The following EWSR1 variants were observed in gnomAD, a reference collection of about 807,000 sequenced individuals.
EWSR1 encodes RNA-binding protein EWS.
Under a neutral mutation model 92.1 loss-of-function variants are expected in EWSR1, and 14 were observed. The ratio of observed to expected loss-of-function variants is 0.15; its 90% confidence interval spans 0.10 to 0.24. EWSR1 has a LOEUF of 0.24. EWSR1 is among the 10% of genes least tolerant of loss of function. The pLI is 1.00. For missense variants in EWSR1, 637 were observed against 870.9 expected, an observed-to-expected ratio of 0.73 and a Z score of 3.38; for synonymous variants, 303 against 292.9, an observed-to-expected ratio of 1.03 and a Z score of -0.35.
chr22:29,294,306 A>G lies in EWSR1; in HGVS notation c.1164+1700A>G, dbSNP rs556153054. ...ACACTTTTCTGGTTATTACTGGTGT[A>G]TAGAAATACAGTTGATTTGGCCGGG... On this transcript the variant is annotated intron_variant, in intron 11 of 16. Coordinates refer to ENST00000397938, the MANE Select transcript of EWSR1 (RefSeq NM_005243.4). 3.9e-5 allele frequency among the ~76,000 whole-genome samples: 6 copies of G among 152,274 alleles called. No individual in the cohort carries two copies. In the South Asian group the frequency reaches 1.2e-3, roughly 32 times the overall value.
intron 1 of EWSR1, among the ~76,000 whole-genome samples, chr22:29,269,816 G>A (rs2058510853): frequency 5.3e-5 from 8 of 152,196 alleles, no homozygotes; most frequent in Admixed American, 4.6e-4. Context: ...AGCCTGAAAA[G>A]GCAAAACGTG....
intron 9 of EWSR1, 89 bp from the exon 10 acceptor site, chr22:29,292,048 G>A: frequency 9.2e-7 from 1 of 1,091,748 alleles, no homozygotes; most frequent in Admixed American, 1.7e-5. Flanking sequence ...TCAAATGGTG[G>A]TATAGTAGAT....
At chr22:29,297,682 A>G in intron 12 of EWSR1, 145 bp from the exon 13 acceptor site, 1 of 1,097,476 alleles carries the variant, frequency 9.1e-7, no homozygotes, top group Non-Finnish European at 1.3e-6. Flanking sequence ...TCTCAAAAAA[A>G]GCCTTTTTCT....
At chr22:29,298,453 G>A (rs944354102) in intron 13 of EWSR1, among the ~76,000 whole-genome samples, 1 of 149,914 alleles carries the variant, frequency 6.7e-6, no homozygotes, top group Non-Finnish European at 1.5e-5. Context: ...GTTGCAGTGA[G>A]CAAAGATCGT....
intron 6 of EWSR1, among the ~76,000 whole-genome samples, chr22:29,285,637 A>G (rs2059966708): frequency 6.6e-6 from 1 of 151,274 alleles, no homozygotes; most frequent in African/African-American, 2.5e-5. Flanking sequence ...TTTTGTGTTG[A>G]GTACCCTTAT....
intron 6 of EWSR1, 25 bp from the exon 7 acceptor site, chr22:29,286,898 T>C: frequency 6.3e-7 from 1 of 1,586,400 alleles, no homozygotes; most frequent in Non-Finnish European, 8.6e-7. Flanking sequence ...AAAGCTTTTT[T>C]TTTTTTCTCT....
intron 14 of EWSR1, 65 bp from the exon 15 acceptor site, chr22:29,299,169 C>T (rs2061134614): frequency 6.2e-6 from 10 of 1,613,382 alleles, no homozygotes; most frequent in East Asian, 2.2e-5. Context: ...GTTCACACAC[C>T]ACCTTTCCTT....
intron 1 of EWSR1, chr22:29,269,564 A>T (rs1028892369): frequency 1.3e-5 from 2 of 152,250 alleles, no homozygotes; most frequent in Non-Finnish European, 2.9e-5. Flanking sequence ...ATGAGAAGGA[A>T]GACAGGAAAA....
intron 8 of EWSR1, chr22:29,289,815 A>G (rs2060314511): frequency 1.3e-5 from 3 of 231,600 alleles, no homozygotes; most frequent in African/African-American, 2.2e-5. Context: ...CATATTCTGC[A>G]TAACTTTAAG....
At chr22:29,282,904 G>C (rs977964321) in intron 6 of EWSR1, among the ~76,000 whole-genome samples, 1 of 151,328 alleles carries the variant, frequency 6.6e-6, no homozygotes, top group Non-Finnish European at 1.5e-5. Context: ...CTGGGACTAC[G>C]GGTGCCCGCC....
chr22:29,297,705 A>G, intron 12 of EWSR1, 122 bp from the exon 13 acceptor site: 11 of 1,339,780 alleles, frequency 8.2e-6, no homozygotes, highest in Non-Finnish European at 1.0e-5. Context: ...CCTTGTCATT[A>G]AAGATCTTAG....
chr22:29,288,507 A>G (rs1602433984), intron 7 of EWSR1, 99 bp from the exon 8 acceptor site: 3 of 1,170,586 alleles, frequency 2.6e-6, no homozygotes, highest in Non-Finnish European at 3.6e-6. Flanking sequence ...TGCCTTGGTT[A>G]GTGCCTTGGA....
chr22:29,278,565 C>T (rs541776588), intron 5 of EWSR1, among the ~76,000 whole-genome samples: 1 of 152,158 alleles, frequency 6.6e-6, no homozygotes, highest in Non-Finnish European at 1.5e-5. Flanking sequence ...TGGCTCACGC[C>T]TGTAATCCCA....
At chr22:29,287,530 G>A (rs1338186592) in intron 7 of EWSR1, among the ~76,000 whole-genome samples, 1 of 152,100 alleles carries the variant, frequency 6.6e-6, no homozygotes, top group South Asian at 2.1e-4. Context: ...TTTGAACAGG[G>A]GGAATACTCT....
At chr22:29,298,659 G>GTGAT in intron 13 of EWSR1, 74 bp from the exon 14 acceptor site, 1 of 1,575,030 alleles carries the variant, frequency 6.3e-7, no homozygotes, top group Non-Finnish European at 8.7e-7. Flanking sequence ...GGTTTACTTA[G>GTGAT]TGATTTTTAT....
At chr22:29,270,826 C>T (rs996993156) in intron 1 of EWSR1, among the ~76,000 whole-genome samples, 3 of 151,904 alleles carry the variant, frequency 2.0e-5, no homozygotes, top group Middle Eastern at 3.4e-3. Context: ...GTTTTAATGT[C>T]AGAGAGAGTA....
intron 16 of EWSR1, 95 bp from the exon 17 acceptor site, chr22:29,300,005 TCCTCACCCCTTCCCATTCTAAC>T: frequency 9.2e-7 from 1 of 1,081,398 alleles, no homozygotes. Flanking sequence ...TGGAAGGGCT[TCCTCACCCCTTCCCATTCTAAC>T]CGATTGGGAG....
In EWSR1 at chr22:29,297,942, C is replaced by T. The variant is rs1287559901; in HGVS notation, c.1410C>T (p.Leu470=). Residue 470 remains leucine, a synonymous_variant, in exon 13 of 17, where the codon CTC becomes CTT. Coordinates refer to ENST00000397938, the MANE Select transcript of EWSR1 (RefSeq NM_005243.4). ...PREGRGMPPP[L]RGGPGGPGGP... is the part of the protein sequence containing the mutation. ...AGGGCAGAGGCATGCCACCACCACT[C>T]CGTGGAGGTACTTTTTCTGAGCTCC... 2 of 1,612,376 alleles carry T rather than the reference C, an allele frequency of 1.2e-6. No individual in the cohort carries two copies. Among genetic ancestry groups the T allele is most frequent in the Admixed American group, 1.7e-5 (1 of 59,458 alleles).
Position 29,286,959 on chromosome 22 carries a change from C to T in EWSR1, c.618C>T (p.Ser206=). The change falls in exon 7 of 17, where the codon AGC becomes AGT. Residue 206 remains serine (S), a synonymous_variant. Transcript: ENST00000397938. ...SSTQPTSYDQ[S]SYSQQNTYGQ... ...CACAGCCGACTAGTTATGATCAGAG[C>T]AGTTACTCTCAGCAGAACACCTATG... The T allele has an allele frequency of 1.2e-6, 2 of 1,613,278 alleles. No individual in the cohort carries two copies. Among genetic ancestry groups the T allele is most frequent in the Non-Finnish European group, 1.7e-6 (2 of 1,179,756 alleles).
Sources: gnomAD v4.1 joint callset for allele counts (sites outside exome capture counted in the v4.1 genomes callset) on GRCh38, gnomAD v4.1.1 for gene constraint, MANE v1.5 for transcripts, NCBI Gene and HGNC (gene_info 2026-07-23, HGNC 2026-07-21) for gene names.